Variants in MET observed in about 807,000 individuals in gnomAD.
The protein encoded by MET is hepatocyte growth factor receptor.
In MET, 48 loss-of-function variants were observed where a neutral mutation model predicts 133.1. The ratio of observed to expected loss-of-function variants is 0.36; its 90% CI spans 0.29 to 0.46. MET has a LOEUF of 0.46. Among genes scored for constraint, MET ranks in the 20% least tolerant of loss-of-function variants. The pLI is 1.00. For synonymous variants in MET, 628 were observed against 616.5 expected (o/e 1.02, Z -0.28); for missense variants, 1,442 against 1,695.9 (o/e 0.85, Z 2.63).
At chr7:116,767,978 G>A (rs199583656) in intron 11 of MET, among the ~76,000 whole-genome samples, 34,209 of 138,642 alleles carry the variant, frequency 0.25, 3,999 homozygotes, top group Middle Eastern at 0.31. Flanking sequence ...ATATATATGT[G>A]TGTGTGTGTG....
At position 116,731,964 on chromosome 7, in the gene MET, T is replaced by A. The variant is rs907235903; in HGVS notation, c.1392+105T>A. On this transcript the variant is annotated intron_variant, in intron 3 of 20. Transcript: ENST00000397752. ...ATTTGCAAATACTGTAAAGTCCAAATCATAGTAGAAACTGGAACACAGACT... is the reference window on the plus strand; with the variant it reads ...ATTTGCAAATACTGTAAAGTCCAAAACATAGTAGAAACTGGAACACAGACT... 16 of 1,123,674 alleles carry A rather than the reference T, an allele frequency of 1.4e-5. No homozygotes were observed. In the African/African-American group the frequency reaches 2.3e-4, roughly 16 times the overall value. 69.6% of individuals were successfully genotyped at this position (1,123,674 alleles called of 1,614,324 possible).
At chr7:116,681,644 T>G (rs1796363453) in intron 1 of MET, among the ~76,000 whole-genome samples, 1 of 152,216 alleles carries the variant, frequency 6.6e-6, no homozygotes, top group Non-Finnish European at 1.5e-5. Flanking sequence ...CCTTCACTAC[T>G]TGTCTTTTGG....
At chr7:116,724,839 G>T (rs1231503107) in intron 2 of MET, 1 of 1,288,980 alleles carries the variant, frequency 7.8e-7, no homozygotes, top group Admixed American at 2.3e-5. Context: ...TCCTAGCCCT[G>T]CACTGAAGGT....
rs1266863567 is a variant in MET, at chr7:116,699,787, A to G, written c.703A>G (p.Ile235Val). Reference protein sequence around the residue: ...GFMFLTDQSYIDVLPEFRDSY... With the variant: ...GFMFLTDQSYVDVLPEFRDSY... Reference sequence around the variant, plus strand: ...TATGTTTTTGACGGACCAGTCCTACATTGATGTTTTACCTGAGTTCAGAGA... The same window carrying G: ...TATGTTTTTGACGGACCAGTCCTACGTTGATGTTTTACCTGAGTTCAGAGA... The change falls in exon 2 of 21, where the codon ATT (isoleucine) becomes GTT (valine). Residue 235 changes from isoleucine to valine, a missense_variant. Ile to Val is a conservative substitution (Grantham distance 29). This residue lies in a region of MET where 762 missense variants were observed against 792.4 expected (regional missense o/e 0.96). Coordinates refer to ENST00000397752, the MANE Select transcript of MET (RefSeq NM_000245.4). 6.2e-7 allele frequency: 1 copy of G among 1,614,140 alleles called. No individual in the cohort carries two copies. The highest frequency in any genetic ancestry group is 1.7e-4 in the Middle Eastern group (1 of 6,060).
At chr7:116,721,453 A>G (rs1554385239) in intron 2 of MET, among the ~76,000 whole-genome samples, 1 of 152,032 alleles carries the variant, frequency 6.6e-6, no homozygotes, top group Non-Finnish European at 1.5e-5. Context: ...GGATTCATTA[A>G]TTTTTTGAAG....
chr7:116,706,011 A>C (rs1462227665), intron 2 of MET, among the ~76,000 whole-genome samples: 1 of 152,032 alleles, frequency 6.6e-6, no homozygotes, highest in African/African-American at 2.4e-5. Flanking sequence ...CTGCTCTTTA[A>C]ACCATTACAT....
intron 1 of MET, among the ~76,000 whole-genome samples, chr7:116,679,641 C>T (rs762649571): frequency 5.3e-5 from 8 of 152,104 alleles, no homozygotes; most frequent in Non-Finnish European, 7.4e-5. Context: ...GCTATAATCA[C>T]GAGTTGTCAT....
At chr7:116,768,293 T>G (rs1008007147) in intron 11 of MET, among the ~76,000 whole-genome samples, 8 of 152,148 alleles carry the variant, frequency 5.3e-5, no homozygotes, top group Non-Finnish European at 1.2e-4. Flanking sequence ...ATAAATCAAA[T>G]CCTACAGCTC....
chr7:116,781,135 G>C (rs1246474413), intron 17 of MET, among the ~76,000 whole-genome samples: 2 of 152,152 alleles, frequency 1.3e-5, no homozygotes. Context: ...TATCCTCGGA[G>C]CCTGCTGAAA....
intron 5 of MET, among the ~76,000 whole-genome samples, chr7:116,749,864 T>A (rs1793846104): frequency 6.6e-6 from 1 of 152,082 alleles, no homozygotes; most frequent in Non-Finnish European, 1.5e-5. Context: ...TCACAATTGC[T>A]ACAAAGAGAA....
At chr7:116,721,150 G>T (rs924047709) in intron 2 of MET, among the ~76,000 whole-genome samples, 3 of 152,078 alleles carry the variant, frequency 2.0e-5, no homozygotes, top group African/African-American at 7.2e-5. Flanking sequence ...ATTGATTATT[G>T]CCACAATTTC....
At chr7:116,768,503 G>A (rs1348582788) in intron 11 of MET, among the ~76,000 whole-genome samples, 1 of 152,158 alleles carries the variant, frequency 6.6e-6, no homozygotes, top group Non-Finnish European at 1.5e-5. Context: ...AGTATCATAA[G>A]GATAGGGTTT....
chr7:116,674,064 C>T (rs1408156878), intron 1 of MET, among the ~76,000 whole-genome samples: 1 of 152,120 alleles, frequency 6.6e-6, no homozygotes, highest in Non-Finnish European at 1.5e-5. Context: ...GGTGTATAAG[C>T]TATAGTTATT....
At chr7:116,726,178 T>TAC (rs1562900129) in intron 2 of MET, among the ~76,000 whole-genome samples, 3 of 3,596 alleles carry the variant, frequency 8.3e-4, no homozygotes, top group Admixed American at 3.1e-3. Context: ...TATATATATA[T>TAC]GGGATATAAA....
intron 1 of MET, among the ~76,000 whole-genome samples, chr7:116,692,332 GA>G (rs1160137069): frequency 6.6e-6 from 1 of 152,156 alleles, no homozygotes; most frequent in Non-Finnish European, 1.5e-5. Context: ...AATCCCTAAA[GA>G]AAGCAAAATT....
chr7:116,673,387 C>T (rs1017865638), intron 1 of MET, among the ~76,000 whole-genome samples: 5 of 152,126 alleles, frequency 3.3e-5, no homozygotes, highest in African/African-American at 4.8e-5. Flanking sequence ...AAGGAGCCCT[C>T]GGGCAGAATG....
intron 5 of MET, 106 bp downstream of exon 5, chr7:116,741,131 A>T: frequency 2.3e-6 from 3 of 1,291,668 alleles, no homozygotes; most frequent in South Asian, 1.3e-5. Context: ...AATCCCACTA[A>T]TGAAAAAAAT....
At chr7:116,716,284 G>GGGGA (rs1411256225) in intron 2 of MET, among the ~76,000 whole-genome samples, 18 of 38,056 alleles carry the variant, frequency 4.7e-4, no homozygotes, top group African/African-American at 1.1e-3. Context: ...AGGGAGAGAG[G>GGGGA]GAGAGAGAGA....
At chr7:116,749,456 T>C (rs1044636210) in intron 5 of MET, among the ~76,000 whole-genome samples, 38 of 152,300 alleles carry the variant, frequency 2.5e-4, no homozygotes, top group African/African-American at 9.1e-4. Context: ...ATGGAACATA[T>C]CTCAAAATAA....
Sources: allele counts gnomAD v4.1 joint callset (sites outside exome capture counted in the v4.1 genomes callset), GRCh38; gene constraint gnomAD v4.1.1; regional missense constraint gnomAD v4.1.1; transcripts MANE v1.5; gene names NCBI Gene and HGNC (gene_info 2026-07-23, HGNC 2026-07-21).